TNIK: variants seen among roughly 807,000 people sequenced by gnomAD.
TNIK encodes the protein TRAF2 and NCK interacting kinase.
In TNIK, 49 loss-of-function variants were observed where a neutral mutation model predicts 191.3. The observed-to-expected ratio is 0.26, with a 90% CI of 0.20 to 0.32. The LOEUF (loss-of-function observed/expected upper bound fraction) is 0.32, where lower values mean the gene tolerates loss of function less well. Ranked by LOEUF, TNIK falls within the 10% of genes least tolerant of loss-of-function variation. TNIK has a pLI of 1.00. For missense variants in TNIK, 1,155 were observed against 1,702.3 expected (o/e 0.68, Z 5.66); for synonymous variants, 594 against 600.9 (o/e 0.99, Z 0.17).
intron 20 of TNIK, 95 bp downstream of exon 20, chr3:171,107,970 T>TTTTG: frequency 8.0e-7 from 1 of 1,253,522 alleles, no homozygotes; most frequent in Non-Finnish European, 1.1e-6. Context: ...TCTCAACAAT[T>TTTTG]TTTGTTTGCA....
intron 28 of TNIK, chr3:171,071,546 T>C (rs1719178833): frequency 2.0e-6 from 1 of 493,028 alleles, no homozygotes; most frequent in African/African-American, 2.0e-5. Flanking sequence ...TGCTTTATAT[T>C]GAAGACTTTT....
chr3:171,330,183 T>G (rs2108362854), intron 2 of TNIK, among the ~76,000 whole-genome samples: 1 of 152,286 alleles, frequency 6.6e-6, no homozygotes, highest in Non-Finnish European at 1.5e-5. Context: ...GCTGTGCTGG[T>G]TTTTCATCTG....
At position 171,460,139 on chromosome 3, in the gene TNIK, T is replaced by C; in HGVS notation, c.-76A>G. 1 of 1,537,748 alleles carries C rather than the reference T, an allele frequency of 6.5e-7. No homozygotes were observed. Among genetic ancestry groups the C allele is most frequent in the Non-Finnish European group, 8.8e-7 (1 of 1,136,628 alleles). The stretch of plus-strand genomic sequence containing the variant: ...CTTGGAAATTCCACCTTGGTCTATT[T>C]CACTCGCGTCCTCATGCGGGTGTCG... On this transcript the variant is annotated 5_prime_UTR_variant, in exon 1 of 33. Transcript: ENST00000436636. The surrounding 1 kb of genome is among the most constrained non-coding windows in gnomAD (Gnocchi z 6.8).
intron 2 of TNIK, among the ~76,000 whole-genome samples, chr3:171,249,042 A>G (rs1381282121): frequency 6.6e-5 from 10 of 152,274 alleles, no homozygotes; most frequent in Admixed American, 2.0e-4. Flanking sequence ...TTTTATTTTC[A>G]GAACTCTGGT....
intron 1 of TNIK, among the ~76,000 whole-genome samples, chr3:171,376,668 G>C (rs548211649): frequency 3.9e-5 from 6 of 152,044 alleles, no homozygotes; most frequent in Admixed American, 1.3e-4. Context: ...TCATTAACCT[G>C]CTGGCCCAAA....
chr3:171,140,455 G>A lies in TNIK; in HGVS notation c.1276C>T (p.His426Tyr). 1 of 1,612,564 alleles carries A rather than the reference G, an allele frequency of 6.2e-7. No individual in the cohort carries two copies. ...TCCCGGCGCATCTGCTCCTCATAGT[G>A]CCGGCGCTGCTCCCTCTCCTGCTGC... ...RKQQEREQRR[H>Y]YEEQMRREEE... Residue 426 changes from histidine (H) to tyrosine (Y), a missense_variant, in exon 13 of 33, where the codon CAC becomes TAC. This residue lies in a region of TNIK where 735 missense variants were observed against 848.0 expected (regional missense o/e 0.87). Transcript: ENST00000436636.
intron 2 of TNIK, among the ~76,000 whole-genome samples, chr3:171,275,280 T>C (rs1399398344): frequency 6.6e-6 from 1 of 152,212 alleles, no homozygotes; most frequent in Non-Finnish European, 1.5e-5. Context: ...TCACTCTTAA[T>C]TATGAATAGC....
chr3:171,313,239 G>GCTTTCTTTCTTTCTTTCTTT (rs71762733), intron 2 of TNIK, among the ~76,000 whole-genome samples: 7 of 150,392 alleles, frequency 4.7e-5, no homozygotes, highest in African/African-American at 1.7e-4. Flanking sequence ...CCAACATTTA[G>GCTTTCTTTCTTTCTTTCTTT]CTTTCTTTCT....
chr3:171,322,680 G>T (rs890179848), intron 2 of TNIK, among the ~76,000 whole-genome samples: 2 of 152,038 alleles, frequency 1.3e-5, no homozygotes, highest in Non-Finnish European at 2.9e-5. Context: ...ACACAAAATG[G>T]TGTAAAAATA....
chr3:171,213,411 G>A (rs1041141830), intron 3 of TNIK, among the ~76,000 whole-genome samples: 1 of 152,082 alleles, frequency 6.6e-6, no homozygotes, highest in African/African-American at 2.4e-5. Context: ...TCCAACTGCA[G>A]CCTGTCAATC....
chr3:171,070,671 G>T (rs535793066), intron 29 of TNIK, among the ~76,000 whole-genome samples: 1 of 152,166 alleles, frequency 6.6e-6, no homozygotes, highest in South Asian at 2.1e-4. Flanking sequence ...ATCCAACCAT[G>T]GTGGGTACAG....
intron 12 of TNIK, among the ~76,000 whole-genome samples, chr3:171,154,507 C>G (rs970429756): frequency 6.6e-6 from 1 of 151,870 alleles, no homozygotes; most frequent in Non-Finnish European, 1.5e-5. Context: ...AGAATGTGCT[C>G]AGCAATTTGA....
intron 23 of TNIK, 96 bp downstream of exon 23, chr3:171,093,743 T>A: frequency 6.7e-7 from 1 of 1,496,934 alleles, no homozygotes; most frequent in East Asian, 2.4e-5. Context: ...TTCCCCATAC[T>A]TAAAATACAT....
chr3:171,292,909 A>T (rs1751848870), intron 2 of TNIK, among the ~76,000 whole-genome samples: 1 of 151,792 alleles, frequency 6.6e-6, no homozygotes, highest in Non-Finnish European at 1.5e-5. Flanking sequence ...GGCTCCCTAG[A>T]CTCTTTCTTC....
At position 171,357,989 on chromosome 3, in the gene TNIK, G is replaced by C. The variant is rs572347944; in HGVS notation, c.123+11631C>G. ...GCTCCAAGTGTGGGGCTACTCTGTG[G>C]AGGGAGGTAGAGGTGCATCGGGGAG... On this transcript the variant is annotated intron_variant, in intron 2 of 32. Transcript: ENST00000436636. 3.3e-5 allele frequency among the ~76,000 whole-genome samples: 5 copies of C among 152,290 alleles called. No individual in the cohort carries two copies. The South Asian group carries it at 1.0e-3, about 32-fold the overall frequency.
chr3:171,181,138 A>T (rs1025992236), intron 7 of TNIK, among the ~76,000 whole-genome samples: 1 of 152,242 alleles, frequency 6.6e-6, no homozygotes. Flanking sequence ...CACTACACCC[A>T]GCTGAGAATA....
chr3:171,184,839 G>A (rs1432133605), intron 7 of TNIK, among the ~76,000 whole-genome samples: 1 of 152,110 alleles, frequency 6.6e-6, no homozygotes, highest in Non-Finnish European at 1.5e-5. Context: ...TACAACCAGA[G>A]CACAATATTC....
rs2108322316 is a variant in TNIK, at chr3:171,071,331, A to G, written c.3449-8T>C. 1.3e-6 allele frequency: 2 copies of G among 1,556,904 alleles called. No individual in the cohort carries two copies. Among genetic ancestry groups the G allele is most frequent in the East Asian group, 4.6e-5 (2 of 43,632 alleles). ...TGATCCTTTCATATTTAACTGTAAT[A>G]GAAAAATTATGAGTGAAAAAGTACA... On this transcript the variant is annotated splice_region_variant and splice_polypyrimidine_tract_variant and intron_variant, in intron 28 of 32. Transcript: ENST00000436636.
intron 17 of TNIK, among the ~76,000 whole-genome samples, chr3:171,124,335 A>G (rs182754409): frequency 3.3e-5 from 5 of 152,370 alleles, no homozygotes; most frequent in African/African-American, 9.6e-5. Flanking sequence ...ATAATAGAAC[A>G]TAATACAAAG....
Sources: allele counts gnomAD v4.1 joint callset (sites outside exome capture counted in the v4.1 genomes callset), GRCh38; gene constraint gnomAD v4.1.1; regional missense constraint gnomAD v4.1.1; non-coding constraint Gnocchi (gnomAD v3.1); transcripts MANE v1.5; gene names NCBI Gene and HGNC (gene_info 2026-07-23, HGNC 2026-07-21).